The following SSBP2 variants were observed in gnomAD, a reference collection of about 807,000 sequenced individuals.
SSBP2 encodes the protein single-stranded DNA-binding protein 2.
In SSBP2, 17 loss-of-function variants were observed where a neutral mutation model predicts 61.8. That is an observed-to-expected ratio of 0.28 (90% confidence interval 0.19 to 0.41). The LOEUF is 0.41. Among genes scored for constraint, SSBP2 ranks in the 10% least tolerant of loss-of-function variants. The pLI, the probability that SSBP2 is intolerant of heterozygous loss-of-function variation, is 1.00. For synonymous variants in SSBP2, 139 were observed against 141.3 expected (o/e 0.98, Z 0.12); for missense variants, 310 against 458.7 (o/e 0.68, Z 2.96).
At chr5:81,655,980 C>G (rs1233618119) in intron 1 of SSBP2, among the ~76,000 whole-genome samples, 4 of 152,144 alleles carry the variant, frequency 2.6e-5, no homozygotes, top group Non-Finnish European at 5.9e-5. Context: ...TTACTCTTTA[C>G]TTTGCATGAT....
At chr5:81,626,180 T>C (rs1350112846) in intron 3 of SSBP2, among the ~76,000 whole-genome samples, 1 of 152,232 alleles carries the variant, frequency 6.6e-6, no homozygotes, top group Non-Finnish European at 1.5e-5. Context: ...CATTACTTAA[T>C]ACCTTTAAAA....
intron 6 of SSBP2, among the ~76,000 whole-genome samples, chr5:81,485,885 A>C (rs1766342014): frequency 6.6e-6 from 1 of 152,220 alleles, no homozygotes. Flanking sequence ...TAATGACTAC[A>C]TAACAAAATT....
intron 4 of SSBP2, among the ~76,000 whole-genome samples, chr5:81,519,559 C>T (rs2154091782): frequency 6.6e-6 from 1 of 152,262 alleles, no homozygotes; most frequent in East Asian, 1.9e-4. Context: ...ACACATGTCA[C>T]TTCCAGAACA....
chr5:81,727,642 A>C (rs746480510), intron 1 of SSBP2, among the ~76,000 whole-genome samples: 6 of 152,224 alleles, frequency 3.9e-5, no homozygotes, highest in Admixed American at 1.3e-4. Context: ...TATTCATCAA[A>C]TGCGTATAAT....
intron 2 of SSBP2, among the ~76,000 whole-genome samples, chr5:81,638,021 C>G (rs190560955): frequency 2.7e-4 from 39 of 146,202 alleles, no homozygotes; most frequent in Middle Eastern, 3.7e-3. Context: ...CCAAACACCG[C>G]ATGTTCTCAC....
intron 5 of SSBP2, among the ~76,000 whole-genome samples, chr5:81,493,183 C>T (rs1231512523): frequency 2.6e-5 from 4 of 150,998 alleles, no homozygotes; most frequent in Non-Finnish European, 4.4e-5. Flanking sequence ...TTTGTTCATT[C>T]AAAAACATAT....
chr5:81,545,176 T>C (rs1054222167), intron 4 of SSBP2, among the ~76,000 whole-genome samples: 4 of 152,342 alleles, frequency 2.6e-5, no homozygotes, highest in African/African-American at 9.6e-5. Context: ...GTATGCCTTA[T>C]ACAGTATTAA....
At chr5:81,647,048 G>A (rs779993724) in intron 2 of SSBP2, among the ~76,000 whole-genome samples, 2 of 152,116 alleles carry the variant, frequency 1.3e-5, no homozygotes, top group Non-Finnish European at 2.9e-5. Flanking sequence ...ACTCTAGGAT[G>A]TACTCAGCAA....
At chr5:81,446,573 GGTTA>G (rs1019773854) in intron 12 of SSBP2, among the ~76,000 whole-genome samples, 1 of 151,916 alleles carries the variant, frequency 6.6e-6, no homozygotes, top group Non-Finnish European at 1.5e-5. Context: ...TAGAAGATTT[GGTTA>G]GTTTTATCAG....
At chr5:81,469,037 T>A (rs376780979) in intron 8 of SSBP2, among the ~76,000 whole-genome samples, 1 of 151,982 alleles carries the variant, frequency 6.6e-6, no homozygotes, top group Non-Finnish European at 1.5e-5. Context: ...TTTTTGGTCT[T>A]ACAAGATCTC....
chr5:81,572,789 C>T (rs1263641154), intron 4 of SSBP2, among the ~76,000 whole-genome samples: 1 of 152,064 alleles, frequency 6.6e-6, no homozygotes, highest in Admixed American at 6.5e-5. Flanking sequence ...TGTGTTCATG[C>T]CACAACTCCA....
At chr5:81,587,763 G>GCACA (rs60642395) in intron 4 of SSBP2, among the ~76,000 whole-genome samples, 34,028 of 148,786 alleles carry the variant, frequency 0.23, 4,884 homozygotes, top group East Asian at 0.62. Context: ...ACACGCGCGC[G>GCACA]CACACACACA....
At chr5:81,745,295 T>G (rs1757285034) in intron 1 of SSBP2, among the ~76,000 whole-genome samples, 1 of 152,140 alleles carries the variant, frequency 6.6e-6, no homozygotes, top group Admixed American at 6.6e-5. Context: ...TATAGGGTTT[T>G]AATCTAATAG....
chr5:81,727,220 C>T (rs1223979665), intron 1 of SSBP2, among the ~76,000 whole-genome samples: 1 of 152,170 alleles, frequency 6.6e-6, no homozygotes, highest in East Asian at 1.9e-4. Flanking sequence ...GAATATACTA[C>T]TAACTTCACA....
chr5:81,422,183 A>G (rs1175555252), intron 16 of SSBP2, among the ~76,000 whole-genome samples: 2 of 152,174 alleles, frequency 1.3e-5, no homozygotes, highest in African/African-American at 4.8e-5. Flanking sequence ...AGAAGCTGTG[A>G]TAATCCTGGG....
At chr5:81,701,279 T>C (rs557790988) in intron 1 of SSBP2, among the ~76,000 whole-genome samples, 20 of 152,290 alleles carry the variant, frequency 1.3e-4, no homozygotes, top group African/African-American at 4.8e-4. Flanking sequence ...TTATCAATTA[T>C]ATTCTCCATC....
upstream of SSBP2, chr5:81,751,353 C>A (rs1297831598): frequency 1.2e-5 from 6 of 505,896 alleles, no homozygotes; most frequent in Non-Finnish European, 2.1e-5. Context: ...TTCCCCCTCC[C>A]CCCTCCGAAC....
At chr5:81,467,124 T>C in intron 8 of SSBP2, 59 bp from the exon 9 acceptor site, 1 of 1,093,944 alleles carries the variant, frequency 9.1e-7, no homozygotes, top group Non-Finnish European at 1.4e-6. Flanking sequence ...GAGAGCACGT[T>C]AATGATTTCC....
At chr5:81,747,968 G>A (rs1446797577) in intron 1 of SSBP2, among the ~76,000 whole-genome samples, 1 of 152,122 alleles carries the variant, frequency 6.6e-6, no homozygotes, top group Non-Finnish European at 1.5e-5. Context: ...GACAGAGTAA[G>A]TAACTAATCT....
Sources: gnomAD v4.1 joint callset for allele counts (sites outside exome capture counted in the v4.1 genomes callset) on GRCh38, gnomAD v4.1.1 for gene constraint, MANE v1.5 for transcripts, NCBI Gene and HGNC (gene_info 2026-07-23, HGNC 2026-07-21) for gene names.